CRYBB1: variants seen among roughly 807,000 people sequenced by gnomAD.
CRYBB1 encodes crystallin beta B1.
In CRYBB1, 16 loss-of-function variants were observed where a neutral mutation model predicts 29.5. The observed-to-expected ratio is 0.54, with a 90% CI of 0.37 to 0.82. The LOEUF is 0.82. CRYBB1 is among the 40% of genes least tolerant of loss of function. CRYBB1 has a pLI of 0.00. For synonymous variants in CRYBB1, 127 were observed against 136.7 expected (o/e 0.93, Z 0.49); for missense variants, 300 against 350.5 (o/e 0.86, Z 1.15).
intron 3 of CRYBB1, among the ~76,000 whole-genome samples, chr22:26,610,005 G>A (rs1929105145): frequency 1.3e-5 from 2 of 152,288 alleles, no homozygotes; most frequent in Admixed American, 1.3e-4. Context: ...GAAACTGGAG[G>A]TCTAGGCTTC....
chr22:26,607,210 A>G (rs1049606542), intron 4 of CRYBB1, among the ~76,000 whole-genome samples: 2 of 151,436 alleles, frequency 1.3e-5, no homozygotes, highest in Non-Finnish European at 2.9e-5. Flanking sequence ...TTTAGTAAAG[A>G]CGGGGTTTCG....
intron 4 of CRYBB1, among the ~76,000 whole-genome samples, chr22:26,603,507 G>A (rs1335100920): frequency 1.3e-5 from 2 of 151,940 alleles, no homozygotes; most frequent in Non-Finnish European, 2.9e-5. Context: ...TCCAGCCTGG[G>A]CGACAGAGCA....
chr22:26,614,869 T>C (rs999604645), intron 2 of CRYBB1, among the ~76,000 whole-genome samples: 2 of 152,136 alleles, frequency 1.3e-5, no homozygotes, highest in African/African-American at 4.8e-5. Flanking sequence ...TGTGTATGTG[T>C]GTATACATTT....
At chr22:26,605,427 A>T (rs1928943906) in intron 4 of CRYBB1, among the ~76,000 whole-genome samples, 1 of 149,768 alleles carries the variant, frequency 6.7e-6, no homozygotes, top group East Asian at 2.1e-4. Flanking sequence ...TAATCCCAGC[A>T]CTTTGGGAGG....
At chr22:26,612,684 C>A (rs1159104634) in intron 2 of CRYBB1, among the ~76,000 whole-genome samples, 1 of 152,226 alleles carries the variant, frequency 6.6e-6, no homozygotes, top group African/African-American at 2.4e-5. Flanking sequence ...AAGATCTGCG[C>A]CATCATTAGG....
At chr22:26,602,628 A>G (rs1928855435) in intron 4 of CRYBB1, among the ~76,000 whole-genome samples, 1 of 151,968 alleles carries the variant, frequency 6.6e-6, no homozygotes, top group Non-Finnish European at 1.5e-5. Context: ...TAAAATTATG[A>G]TCAGGGACAA....
intron 3 of CRYBB1, among the ~76,000 whole-genome samples, chr22:26,609,445 G>A (rs1435708848): frequency 6.6e-6 from 1 of 152,142 alleles, no homozygotes; most frequent in Non-Finnish European, 1.5e-5. Context: ...TAGATGGATA[G>A]GTGGATGGGT....
At chr22:26,603,715 C>A (rs1928892966) in intron 4 of CRYBB1, among the ~76,000 whole-genome samples, 1 of 151,716 alleles carries the variant, frequency 6.6e-6, no homozygotes, top group African/African-American at 2.4e-5. Context: ...ACCAGCCTGA[C>A]TAACATGGAG....
intron 3 of CRYBB1, among the ~76,000 whole-genome samples, chr22:26,608,526 G>A (rs1489221401): frequency 1.3e-5 from 2 of 152,210 alleles, no homozygotes; most frequent in Admixed American, 6.5e-5. Context: ...AGACAATGGT[G>A]TAATAGCAAC....
At chr22:26,615,358 A>G (rs552132738) in intron 2 of CRYBB1, among the ~76,000 whole-genome samples, 1 of 151,434 alleles carries the variant, frequency 6.6e-6, no homozygotes, top group African/African-American at 2.4e-5. Flanking sequence ...AAGCCAGCCC[A>G]CTTCCTTTTC....
intron 4 of CRYBB1, among the ~76,000 whole-genome samples, chr22:26,606,041 C>T (rs757715123): frequency 2.6e-5 from 4 of 152,170 alleles, no homozygotes; most frequent in Non-Finnish European, 5.9e-5. Flanking sequence ...AAAGCTCATC[C>T]GCTATCGTTA....
chr22:26,602,863 C>T (rs1294566799), intron 4 of CRYBB1, among the ~76,000 whole-genome samples: 1 of 151,984 alleles, frequency 6.6e-6, no homozygotes, highest in Non-Finnish European at 1.5e-5. Context: ...ATGGCTCACT[C>T]CTATAATCCC....
At chr22:26,603,149 A>C (rs1425111767) in intron 4 of CRYBB1, among the ~76,000 whole-genome samples, 1 of 151,646 alleles carries the variant, frequency 6.6e-6, no homozygotes, top group Non-Finnish European at 1.5e-5. Context: ...AAAAAACAAA[A>C]AACAAATCCT....
Position 26,599,300 on chromosome 22 carries a change from T to C in CRYBB1, c.*190A>G. The C allele has an allele frequency of 1.7e-6, 1 of 604,054 alleles. No individual in the cohort carries two copies. Among genetic ancestry groups the C allele is most frequent in the Non-Finnish European group, 2.9e-6 (1 of 340,156 alleles). 37.4% of individuals were successfully genotyped at this position (604,054 alleles called of 1,614,324 possible). On this transcript the variant is annotated 3_prime_UTR_variant, in exon 6 of 6. Transcript: ENST00000647684. ...AAGAACTTTTCAGTGTTTGCTGCTT[T>C]TATTATCGTTGTAATTATTAAGAGC...
intron 2 of CRYBB1, among the ~76,000 whole-genome samples, chr22:26,614,343 G>A (rs536643669): frequency 6.6e-6 from 1 of 152,212 alleles, no homozygotes; most frequent in South Asian, 2.1e-4. Context: ...TGTCTCCCCC[G>A]GACGCCCAGC....
At position 26,601,937 on chromosome 22, in the gene CRYBB1, T is replaced by TG. The variant is rs759234266; in HGVS notation, c.516dup (p.Ser173GlnfsTer9). 1 of 1,613,186 alleles carries TG rather than the reference T, an allele frequency of 6.2e-7. No individual in the cohort carries two copies. On this transcript the variant is annotated frameshift_variant, in exon 5 of 6. Coordinates refer to ENST00000647684, the MANE Select transcript of CRYBB1 (RefSeq NM_001887.4). LOFTEE classifies it high-confidence loss of function. Reference sequence around the variant, plus strand: ...TCACTGAAGCCGTAGACCCAGAGACTGGGTGCGTCGTCCCCCTGGATCTCT... The same window carrying TG: ...TCACTGAAGCCGTAGACCCAGAGACTGGGGTGCGTCGTCCCCCTGGATCTCT...
At chr22:26,617,677 G>T (rs1315637276) in intron 1 of CRYBB1, among the ~76,000 whole-genome samples, 2 of 151,456 alleles carry the variant, frequency 1.3e-5, no homozygotes, top group South Asian at 2.1e-4. Flanking sequence ...CTGCCTATCT[G>T]CCTGTCTGTT....
At chr22:26,603,620 C>T (rs529760712) in intron 4 of CRYBB1, among the ~76,000 whole-genome samples, 1 of 150,856 alleles carries the variant, frequency 6.6e-6, no homozygotes, top group South Asian at 2.1e-4. Context: ...ATAAAACAGG[C>T]CTGGCCGGGC....
intron 4 of CRYBB1, among the ~76,000 whole-genome samples, chr22:26,607,084 A>T (rs979227241): frequency 1.5e-5 from 2 of 136,562 alleles, no homozygotes; most frequent in African/African-American, 5.6e-5. Context: ...GTGCAATGGC[A>T]TGATCTCGGC....
Sources: gnomAD v4.1 joint callset for allele counts (sites outside exome capture counted in the v4.1 genomes callset) on GRCh38, gnomAD v4.1.1 for gene constraint, MANE v1.5 for transcripts, NCBI Gene and HGNC (gene_info 2026-07-23, HGNC 2026-07-21) for gene names.